The following LTBP1 variants were observed in gnomAD, a reference collection of about 807,000 sequenced individuals.
LTBP1 encodes the protein latent-transforming growth factor beta-binding protein 1.
In LTBP1, 129 loss-of-function variants were observed where a neutral mutation model predicts 207.6. The observed-to-expected ratio is 0.62, with a 90% CI of 0.54 to 0.72. The LOEUF is 0.72. LTBP1 is among the 30% of genes least tolerant of loss of function. The pLI is 0.00. For synonymous variants in LTBP1, 963 were observed against 833.7 expected (o/e 1.16, Z -2.67); for missense variants, 2,281 against 2,217.2 (o/e 1.03, Z -0.58).
chr2:32,987,497 C>G (rs577156250), intron 2 of LTBP1, among the ~76,000 whole-genome samples: 7 of 152,248 alleles, frequency 4.6e-5, no homozygotes, highest in Non-Finnish European at 1.0e-4. Context: ...CATCAGTTTC[C>G]TGCCTCTGGG....
At chr2:33,044,449 C>T (rs895172868) in intron 3 of LTBP1, among the ~76,000 whole-genome samples, 3 of 152,142 alleles carry the variant, frequency 2.0e-5, no homozygotes, top group African/African-American at 4.8e-5. Flanking sequence ...TGAACTCATC[C>T]TTTTTTATGG....
chr2:32,947,810 G>C lies in LTBP1; in HGVS notation c.486G>C (p.Gln162His), dbSNP rs1406450844. 1 of 1,447,934 alleles carries C rather than the reference G, an allele frequency of 6.9e-7. No homozygotes were observed. The highest frequency in any genetic ancestry group is 1.5e-5 in the African/African-American group (1 of 68,198). The allele number at this position is 1,447,934 out of a possible 1,614,324, so 89.7% of individuals were successfully genotyped here. The stretch of plus-strand genomic sequence containing the variant: ...GGCTGCAGGTTCACCAGAAGCAGCA[G>C]CTGCAGGGGTAAGCCCACACCCCCT... ...GSRLQVHQKQ[Q>H]LQGVNVCGGR... Residue 162 changes from glutamine (Q) to histidine (H), a missense_variant, in exon 1 of 34, where the codon CAG (glutamine) becomes CAC (histidine). Coordinates refer to ENST00000404816, the MANE Select transcript of LTBP1 (RefSeq NM_206943.4).
intron 2 of LTBP1, among the ~76,000 whole-genome samples, chr2:32,992,988 T>C (rs868111880): frequency 4.9e-4 from 75 of 151,910 alleles, no homozygotes; most frequent in African/African-American, 1.7e-3. Context: ...CAAGTTTTTG[T>C]TGGGGAAGGA....
At chr2:33,034,856 A>T (rs1347232515) in intron 3 of LTBP1, among the ~76,000 whole-genome samples, 3 of 147,936 alleles carry the variant, frequency 2.0e-5, no homozygotes, top group South Asian at 2.1e-4. Flanking sequence ...GGGTTTAAAT[A>T]AAAAAAAAAG....
chr2:33,237,324 A>G (rs2092097620), intron 9 of LTBP1, among the ~76,000 whole-genome samples: 1 of 152,208 alleles, frequency 6.6e-6, no homozygotes, highest in Non-Finnish European at 1.5e-5. Context: ...TCTCAAACAT[A>G]TTTGGCTGCA....
rs750351131 is a variant in LTBP1 at position 33,217,673 on chromosome 2, C to T, written c.1804+19C>T. 1.5e-5 allele frequency: 24 copies of T among 1,557,958 alleles called. No individual in the cohort carries two copies. The highest frequency in any genetic ancestry group is 1.9e-5 in the Non-Finnish European group (21 of 1,130,244). On this transcript the variant is annotated intron_variant, in intron 8 of 33. Coordinates refer to ENST00000404816, the MANE Select transcript of LTBP1 (RefSeq NM_206943.4). ...AAACCATGTAAGTAATGTTTCCTCA[C>T]TCCTTTGCAGGTTAATGTAGCATAT...
chr2:32,957,467 A>G (rs938828555), intron 2 of LTBP1, among the ~76,000 whole-genome samples: 3 of 152,130 alleles, frequency 2.0e-5, no homozygotes, highest in African/African-American at 7.2e-5. Context: ...AAAGGGAGAG[A>G]GATGAGGGAA....
Position 33,360,833 on chromosome 2 carries a change from C to T in LTBP1, c.4183+54C>T. ...ACTTGTGTTTGGTCACATGGTGTCC[C>T]TGGGCCTTGAAATGATAACACTCAT... is the stretch of plus-strand genomic sequence containing the variant. On this transcript the variant is annotated intron_variant, in intron 27 of 33. Transcript: ENST00000404816. The T allele has an allele frequency of 2.0e-6, 3 of 1,533,252 alleles. No individual in the cohort carries two copies. In the South Asian group the frequency reaches 3.4e-5, roughly 18 times the overall value. 95.0% of individuals were successfully genotyped at this position (1,533,252 alleles called of 1,614,324 possible).
At chr2:33,310,328 T>C (rs994899962) in intron 23 of LTBP1, among the ~76,000 whole-genome samples, 2 of 152,220 alleles carry the variant, frequency 1.3e-5, no homozygotes, top group African/African-American at 2.4e-5. Flanking sequence ...ATTTTTTCAA[T>C]GTGCTGTCAT....
At chr2:32,948,979 T>G (rs1298638106) in intron 2 of LTBP1, 34 bp downstream of exon 2, 5 of 1,608,726 alleles carry the variant, frequency 3.1e-6, no homozygotes, top group Non-Finnish European at 4.3e-6. Flanking sequence ...CCCTGCACAG[T>G]AGGCAAAGTG....
chr2:33,245,516 T>A, intron 10 of LTBP1, among the ~76,000 whole-genome samples: 1 of 152,240 alleles, frequency 6.6e-6, no homozygotes, highest in Non-Finnish European at 1.5e-5. Context: ...TTTTCTGTGT[T>A]CTTTTACAAA....
At chr2:33,364,116 T>C (rs781588273) in intron 29 of LTBP1, 100 bp from the exon 30 acceptor site, 7 of 1,182,986 alleles carry the variant, frequency 5.9e-6, no homozygotes, top group Non-Finnish European at 8.3e-6. Context: ...TGGCAGCACC[T>C]GGAATCTGGA....
At chr2:33,381,353 A>G (rs186169022) in intron 31 of LTBP1, among the ~76,000 whole-genome samples, 11 of 152,350 alleles carry the variant, frequency 7.2e-5, no homozygotes, top group Admixed American at 1.3e-4. Context: ...CTTGCTAAAT[A>G]AACAGCAGTC....
At chr2:33,260,601 A>T (rs950309180) in intron 13 of LTBP1, among the ~76,000 whole-genome samples, 10 of 152,182 alleles carry the variant, frequency 6.6e-5, no homozygotes, top group African/African-American at 2.2e-4. Context: ...AGAAAAAGAG[A>T]CTTACAATTT....
chr2:33,242,353 C>T (rs1407585273), intron 9 of LTBP1, among the ~76,000 whole-genome samples: 1 of 152,202 alleles, frequency 6.6e-6, no homozygotes, highest in African/African-American at 2.4e-5. Flanking sequence ...TATCTCTCCT[C>T]TTTCAAATCG....
intron 5 of LTBP1, among the ~76,000 whole-genome samples, chr2:33,184,660 A>C (rs1040666938): frequency 2.0e-5 from 3 of 151,994 alleles, no homozygotes; most frequent in Non-Finnish European, 4.4e-5. Flanking sequence ...TGTGTTATTT[A>C]ATTTCTCCAT....
intron 31 of LTBP1, 27 bp from the exon 32 acceptor site, chr2:33,389,157 G>C: frequency 1.2e-6 from 2 of 1,613,858 alleles, no homozygotes; most frequent in Non-Finnish European, 8.5e-7. Flanking sequence ...CAGTGGTGGG[G>C]CCTCATGCTG....
In LTBP1 at chr2:33,215,722, TG is replaced by T. The variant is rs796566136; in HGVS notation, c.1702-1829del. On this transcript the variant is annotated intron_variant, in intron 7 of 33. Transcript: ENST00000404816. ...CTTCCATTGGTTTTCTTTTGTTTTT[TG>T]TTTTTTTTTTTTGAGATAGAGTCTC... 1.2e-4 allele frequency among the ~76,000 whole-genome samples: 18 copies of T among 144,938 alleles called. 2 individuals carry two copies. The highest frequency in any genetic ancestry group is 1.4e-4 in the Admixed American group (2 of 14,722).
chr2:33,176,061 C>T (rs539820890), intron 5 of LTBP1, among the ~76,000 whole-genome samples: 293 of 150,856 alleles, frequency 1.9e-3, no homozygotes, highest in African/African-American at 6.4e-3. Context: ...TGCTAAATGA[C>T]GAGTTAATGG....
Sources: allele counts gnomAD v4.1 joint callset (sites outside exome capture counted in the v4.1 genomes callset), GRCh38; gene constraint gnomAD v4.1.1; transcripts MANE v1.5; gene names NCBI Gene and HGNC (gene_info 2026-07-23, HGNC 2026-07-21).